Variants in ESPNL observed in about 807,000 individuals in gnomAD.
ESPNL encodes the protein espin-like protein.
ESPNL carries 49 observed loss-of-function variants against 46.8 expected under a neutral mutation model. The observed-to-expected ratio is 1.05, with a 90% CI of 0.83 to 1.33. The LOEUF is 1.33. ESPNL is among the 40% of genes most tolerant of loss of function. ESPNL has a pLI of 0.00. For synonymous variants in ESPNL, 664 were observed against 662.1 expected (o/e 1.00, Z -0.04); for missense variants, 1,540 against 1,436.6 (o/e 1.07, Z -1.16).
chr2:238,129,688 G>A (rs1022465556), intron 8 of ESPNL, among the ~76,000 whole-genome samples: 1 of 152,216 alleles, frequency 6.6e-6, no homozygotes, highest in African/African-American at 2.4e-5. Flanking sequence ...TGTGCCCCCG[G>A]CCCAGCGCTG....
intron 2 of ESPNL, 61 bp from the exon 3 acceptor site, chr2:238,104,595 G>C (rs1347537097): frequency 1.4e-6 from 2 of 1,479,258 alleles, no homozygotes; most frequent in Non-Finnish European, 1.8e-6. Context: ...AGTCCAAGCA[G>C]CCGAGGGATG....
intron 4 of ESPNL, among the ~76,000 whole-genome samples, chr2:238,109,530 A>C (rs1574730550): frequency 6.6e-6 from 1 of 152,186 alleles, no homozygotes; most frequent in East Asian, 1.9e-4. Flanking sequence ...TTTTAAAAAA[A>C]TTTTGTAGAG....
chr2:238,124,789 G>A (rs565994349), intron 5 of ESPNL, among the ~76,000 whole-genome samples: 16 of 147,946 alleles, frequency 1.1e-4, no homozygotes, highest in African/African-American at 2.3e-4. Context: ...AGGAGAGTAC[G>A]TGCGTGTGTG....
At chr2:238,127,987 A>G (rs539962421) in intron 7 of ESPNL, among the ~76,000 whole-genome samples, 1 of 152,182 alleles carries the variant, frequency 6.6e-6, no homozygotes, top group South Asian at 2.1e-4. Context: ...AGAGGGCTGC[A>G]GTGGCCCAGG....
At chr2:238,113,220 G>A (rs1691749002) in intron 4 of ESPNL, among the ~76,000 whole-genome samples, 1 of 152,116 alleles carries the variant, frequency 6.6e-6, no homozygotes, top group Admixed American at 6.5e-5. Context: ...TTCATACTTT[G>A]CTTTCGGCCT....
rs1339453283 is a variant in ESPNL, at chr2:238,130,949, C to T, written c.2235C>T (p.Phe745=). The T allele has an allele frequency of 6.5e-6, 10 of 1,549,914 alleles. No homozygotes were observed. Among genetic ancestry groups the T allele is most frequent in the Non-Finnish European group, 8.7e-6 (10 of 1,147,734 alleles). Residue 745 remains phenylalanine (F), a synonymous_variant, in exon 9 of 9, where the codon TTC becomes TTT. Transcript: ENST00000343063. The part of the protein sequence containing the change: ...SLRKERIIML[F]LSHWRRSAYT... Reference sequence around the variant, plus strand: ...GCAAGGAGCGCATCATCATGCTCTTCCTCAGCCACTGGAGGAGATCGGCCT... The same window carrying T: ...GCAAGGAGCGCATCATCATGCTCTTTCTCAGCCACTGGAGGAGATCGGCCT...
At chr2:238,110,949 C>CTTTTTTTTTTTTTTT (rs5839686) in intron 4 of ESPNL, among the ~76,000 whole-genome samples, 1 of 111,004 alleles carries the variant, frequency 9.0e-6, no homozygotes. Flanking sequence ...ATTAGTTATT[C>CTTTTTTTTTTTTTTT]TTTTTTTTTT....
chr2:238,123,872 T>TG (rs1692041425), intron 5 of ESPNL, among the ~76,000 whole-genome samples: 2 of 151,980 alleles, frequency 1.3e-5, no homozygotes, highest in South Asian at 4.1e-4. Flanking sequence ...CCCTTCCCCG[T>TG]GGCCCAGTGG....
intron 5 of ESPNL, among the ~76,000 whole-genome samples, chr2:238,120,202 C>T (rs1461516294): frequency 2.0e-5 from 3 of 152,204 alleles, no homozygotes. Flanking sequence ...GATGGTGCTC[C>T]ATGGCCCACA....
intron 6 of ESPNL, among the ~76,000 whole-genome samples, chr2:238,125,928 CTGTG>C (rs974690367): frequency 2.6e-5 from 4 of 151,512 alleles, no homozygotes; most frequent in African/African-American, 7.3e-5. Context: ...TCTGTGTGTT[CTGTG>C]TGTGATACAC....
At chr2:238,118,769 A>T (rs916666085) in intron 5 of ESPNL, among the ~76,000 whole-genome samples, 1 of 40,724 alleles carries the variant, frequency 2.5e-5, no homozygotes, top group African/African-American at 2.6e-4. Context: ...AGGAGGGTGG[A>T]TGGAGGAGGG....
intron 8 of ESPNL, chr2:238,129,168 C>T: frequency 7.2e-7 from 1 of 1,389,814 alleles, no homozygotes; most frequent in South Asian, 1.7e-5. Flanking sequence ...CTGCCTGTGC[C>T]AAGCGTTGTT....
At chr2:238,113,730 T>G (rs1418475510) in intron 4 of ESPNL, among the ~76,000 whole-genome samples, 1 of 152,112 alleles carries the variant, frequency 6.6e-6, no homozygotes, top group African/African-American at 2.4e-5. Flanking sequence ...TGGCTTCCAT[T>G]TTCTCTGAGG....
In ESPNL at chr2:238,125,320, G is replaced by A. The variant is rs745599520; in HGVS notation, c.1038G>A (p.Leu346=). The part of the protein sequence containing the change: ...PPPPPFPPPP[L]LATRRSLEDG... ...CACCACCGTTCCCCCCACCTCCACT[G>A]TTGGCCACGAGGCGCTCCCTGGAGG... The change falls in exon 6 of 9, where the codon CTG becomes CTA. Residue 346 remains leucine, a synonymous_variant. Transcript: ENST00000343063. The A allele has an allele frequency of 1.9e-6, 3 of 1,572,472 alleles. No homozygotes were observed. The highest frequency in any genetic ancestry group is 2.6e-6 in the Non-Finnish European group (3 of 1,159,376).
intron 5 of ESPNL, among the ~76,000 whole-genome samples, chr2:238,123,354 C>T (rs529685769): frequency 7.2e-5 from 11 of 152,332 alleles, no homozygotes; most frequent in East Asian, 1.9e-4. Context: ...ACTCTCATCC[C>T]GGCTCTGCGG....
chr2:238,128,941 C>T, intron 8 of ESPNL, 37 bp downstream of exon 8: 2 of 1,512,492 alleles, frequency 1.3e-6, no homozygotes, highest in Non-Finnish European at 1.8e-6. Flanking sequence ...GTGGGCGGGG[C>T]GGGGCCTTTT....
intron 6 of ESPNL, among the ~76,000 whole-genome samples, chr2:238,125,767 T>TTGGAATGGAG (rs1553573703): frequency 6.1e-5 from 9 of 146,388 alleles, no homozygotes; most frequent in Non-Finnish European, 9.0e-5. Flanking sequence ...TGTGACCAGC[T>TTGGAATGGAG]TGGAGTGGAG....
chr2:238,102,154 TGG>T, intron 2 of ESPNL, 23 bp downstream of exon 2: 1 of 1,510,294 alleles, frequency 6.6e-7, no homozygotes. Context: ...AAGTCCCGCC[TGG>T]GGGGGCAGCC....
chr2:238,115,748 C>T (rs951434399), intron 4 of ESPNL, among the ~76,000 whole-genome samples: 3 of 152,250 alleles, frequency 2.0e-5, no homozygotes, highest in Admixed American at 1.3e-4. Context: ...CCTTGGCTCA[C>T]TGCAACCTCC....
Sources: gnomAD v4.1 joint callset for allele counts (sites outside exome capture counted in the v4.1 genomes callset) on GRCh38, gnomAD v4.1.1 for gene constraint, MANE v1.5 for transcripts, NCBI Gene and HGNC (gene_info 2026-07-23, HGNC 2026-07-21) for gene names.